The following SPOCD1 variants were observed in gnomAD, a reference collection of about 807,000 sequenced individuals.
SPOCD1 encodes the protein SPOC domain containing 1.
A neutral mutation model predicts 92.2 loss-of-function variants in SPOCD1; 64 were observed. That is an observed-to-expected ratio of 0.69 (90% CI 0.57 to 0.86). The LOEUF (loss-of-function observed/expected upper bound fraction) is 0.86. Among genes scored for constraint, SPOCD1 ranks in the 40% least tolerant of loss-of-function variants. The probability of loss-of-function intolerance (pLI) is 0.00; values close to 1 mark genes in which losing one functional copy is unlikely to be tolerated. For missense variants in SPOCD1, 1,360 were observed against 1,543.1 expected, an observed-to-expected ratio of 0.88 and a Z score of 1.99; for synonymous variants, 578 against 619.3, an observed-to-expected ratio of 0.93 and a Z score of 0.99.
At chr1:31,810,993 G>A (rs965117048) in intron 2 of SPOCD1, among the ~76,000 whole-genome samples, 5 of 152,102 alleles carry the variant, frequency 3.3e-5, no homozygotes, top group Admixed American at 1.3e-4. Flanking sequence ...GGCCCAGGAC[G>A]GACAAGAGAA....
chr1:31,794,948 G>A (rs1647905044), intron 10 of SPOCD1: 1 of 152,352 alleles, frequency 6.6e-6, no homozygotes, highest in East Asian at 1.9e-4. Context: ...AGTCCCCGTA[G>A]ACACTGCTGT....
At chr1:31,803,861 G>A (rs1050126280) in intron 2 of SPOCD1, among the ~76,000 whole-genome samples, 2 of 151,244 alleles carry the variant, frequency 1.3e-5, no homozygotes, top group African/African-American at 4.9e-5. Context: ...AAGAAAGGTA[G>A]GAAGAAAGAA....
rs371172388 is a variant in SPOCD1 at position 31,813,942 on chromosome 1, T to A, written c.1383+9A>T. ...CCCTTCCTATCCCAAACTCTCAGAC[T>A]CAGCTCACCAGTCTGGGGCAGCCTC... On this transcript the variant is annotated intron_variant, in intron 2 of 15. Coordinates refer to ENST00000360482, the MANE Select transcript of SPOCD1 (RefSeq NM_144569.7). 7.0e-5 allele frequency: 105 copies of A among 1,495,038 alleles called. No homozygotes were observed. Among genetic ancestry groups the A allele is most frequent in the Non-Finnish European group, 9.2e-5 (103 of 1,119,132 alleles). The allele number at this position is 1,495,038 out of a possible 1,614,324, so 92.6% of individuals were successfully genotyped here. A position where few individuals can be genotyped will look rare whatever the true frequency, so the allele number is the denominator to read the frequency against.
intron 2 of SPOCD1, among the ~76,000 whole-genome samples, chr1:31,804,726 G>T (rs1039818860): frequency 6.6e-6 from 1 of 151,970 alleles, no homozygotes; most frequent in Non-Finnish European, 1.5e-5. Flanking sequence ...CAAAGAAAAT[G>T]ATGAAGATGT....
chr1:31,801,813 G>A (rs1486108607), intron 2 of SPOCD1, 108 bp from the exon 3 acceptor site: 2 of 921,942 alleles, frequency 2.2e-6, no homozygotes, highest in Non-Finnish European at 3.6e-6. Flanking sequence ...TGTGTTCAGT[G>A]TTCACTGAGT....
At chr1:31,811,183 T>C (rs908150787) in intron 2 of SPOCD1, among the ~76,000 whole-genome samples, 1 of 152,178 alleles carries the variant, frequency 6.6e-6, no homozygotes. Flanking sequence ...GTCTAAAGTC[T>C]TTCTGCAGCC....
At chr1:31,794,486 C>CT (rs1400809523) in intron 10 of SPOCD1, 254 of 247,184 alleles carry the variant, frequency 1.0e-3, no homozygotes, top group East Asian at 1.5e-3. Flanking sequence ...CAATCTTTTT[C>CT]TTTTTTTTTC....
chr1:31,797,585 G>A (rs942631234), intron 9 of SPOCD1, among the ~76,000 whole-genome samples: 4 of 152,240 alleles, frequency 2.6e-5, no homozygotes, highest in African/African-American at 7.2e-5. Flanking sequence ...AATCAGTTCA[G>A]TGTCTTCCAG....
At chr1:31,800,311 C>T (rs1279156158) in intron 4 of SPOCD1, 130 bp downstream of exon 4, 1 of 1,432,442 alleles carries the variant, frequency 7.0e-7, no homozygotes, top group Non-Finnish European at 9.3e-7. Flanking sequence ...TGGGGCCGAA[C>T]CCTGCCTCTG....
Position 31,798,175 on chromosome 1 carries a change from C to A in SPOCD1, c.2145+32G>T. The A allele has an allele frequency of 6.4e-7, 1 of 1,551,656 alleles. No individual in the cohort carries two copies. Among genetic ancestry groups the A allele is most frequent in the African/African-American group, 1.4e-5 (1 of 73,886 alleles). ...GGCCACCCACTCTGCCCCTACATCC[C>A]CTCACCCATCCCGACTGGGCTCAGC... On this transcript the variant is annotated intron_variant, in intron 9 of 15. Transcript: ENST00000360482. This position sits in a 1 kb window ranked among gnomAD's most constrained non-coding sequence, Gnocchi z 4.1.
At chr1:31,809,782 A>C (rs576674998) in intron 2 of SPOCD1, among the ~76,000 whole-genome samples, 1 of 152,178 alleles carries the variant, frequency 6.6e-6, no homozygotes, top group Non-Finnish European at 1.5e-5. Flanking sequence ...GAACAGAAGA[A>C]GCTCTCTCTG....
chr1:31,794,501 C>CT (rs869084604), intron 10 of SPOCD1: 7,275 of 77,820 alleles, frequency 0.093, 216 homozygotes, highest in African/African-American at 0.17. Context: ...TTTTTCTTTT[C>CT]TTTTTTTTTT....
Position 31,815,068 on chromosome 1 carries a change from A to G in SPOCD1, c.266T>C (p.Val89Ala), listed in dbSNP as rs1649471770. Residue 89 changes from valine (V) to alanine (A), a missense_variant, in exon 2 of 16, where the codon GTA becomes GCA. Transcript: ENST00000360482. The part of the protein sequence containing the change: ...RPGVLELLAV[V>A]QSRGSMLAPG... ...AGCCAGCATCGAGCCCCGGCTCTGT[A>G]CCACAGCTAGCAGCTCCAAGACCCC... The G allele has an allele frequency of 1.9e-6, 3 of 1,613,762 alleles. No individual in the cohort carries two copies. The highest frequency in any genetic ancestry group is 2.5e-6 in the Non-Finnish European group (3 of 1,179,992).
chr1:31,807,816 G>A (rs1472557293), intron 2 of SPOCD1, among the ~76,000 whole-genome samples: 1 of 152,104 alleles, frequency 6.6e-6, no homozygotes, highest in Non-Finnish European at 1.5e-5. Context: ...ATAATTACAA[G>A]TGCGCAGTCC....
intron 2 of SPOCD1, among the ~76,000 whole-genome samples, chr1:31,804,985 CTTTTTT>C (rs1207433481): frequency 9.4e-6 from 1 of 105,916 alleles, no homozygotes; most frequent in Non-Finnish European, 1.8e-5. Context: ...TTCTTTCTTT[CTTTTTT>C]TTTTTTTTGA....
At chr1:31,806,833 G>A (rs35366154) in intron 2 of SPOCD1, among the ~76,000 whole-genome samples, 14,642 of 152,136 alleles carry the variant, frequency 0.096, 949 homozygotes, top group South Asian at 0.33. Flanking sequence ...GATTACAGGC[G>A]TGAGGAACCG....
At chr1:31,801,154 T>C (rs1242917721) in intron 3 of SPOCD1, among the ~76,000 whole-genome samples, 6 of 152,230 alleles carry the variant, frequency 3.9e-5, no homozygotes, top group African/African-American at 1.4e-4. Flanking sequence ...AATCCCTTCA[T>C]GACCATTTCA....
Position 31,814,938 on chromosome 1 carries a change from G to A in SPOCD1, c.396C>T (p.Pro132=), listed in dbSNP as rs1196643296. 1 of 1,613,912 alleles carries A rather than the reference G, an allele frequency of 6.2e-7. No homozygotes were observed. The highest frequency in any genetic ancestry group is 8.5e-7 in the Non-Finnish European group (1 of 1,180,012). ...CAGCAGACCTGCTACAAAGTTTCCT[G>A]GGGCAACTGTCATCTAAGATGTCAC... The part of the protein sequence containing the change: ...SLCDILDDSC[P]RKLCSRSAGL... Residue 132 remains proline (P), a synonymous_variant, in exon 2 of 16, where the codon CCC becomes CCT. Transcript: ENST00000360482. The surrounding 1 kb of genome is among the most constrained non-coding windows in gnomAD (Gnocchi z 4.2).
chr1:31,791,999 G>C (rs1570143927), intron 15 of SPOCD1: 1 of 602,350 alleles, frequency 1.7e-6, no homozygotes. Context: ...GAGACTACAA[G>C]AATTCATCTA....
Sources: allele counts gnomAD v4.1 joint callset (sites outside exome capture counted in the v4.1 genomes callset), GRCh38; gene constraint gnomAD v4.1.1; non-coding constraint Gnocchi (gnomAD v3.1); transcripts MANE v1.5; gene names NCBI Gene and HGNC (gene_info 2026-07-23, HGNC 2026-07-21).